Variants in MED19 observed in about 807,000 individuals in gnomAD.
The protein encoded by MED19 is mediator complex subunit 19.
A neutral mutation model predicts 19.9 loss-of-function variants in MED19; 4 were observed. That is an observed-to-expected ratio of 0.20 (90% CI 0.10 to 0.46). MED19 has a LOEUF of 0.46. Among genes scored for constraint, MED19 ranks in the 20% least tolerant of loss-of-function variants. MED19 has a pLI of 0.99. For synonymous variants in MED19, 139 were observed against 119.6 expected, an observed-to-expected ratio of 1.16 and a Z score of -1.06; for missense variants, 303 against 318.7, an observed-to-expected ratio of 0.95 and a Z score of 0.38.
chr11:57,704,597 A>T (rs748917569), intron 3 of MED19, 122 bp downstream of exon 3: 2 of 1,591,376 alleles, frequency 1.3e-6, no homozygotes, highest in South Asian at 2.2e-5. Context: ...AGGGGAATTT[A>T]GGAGTCCAGA....
intron 1 of MED19, among the ~76,000 whole-genome samples, chr11:57,710,700 AT>A (rs548949933): frequency 3.5e-4 from 51 of 145,732 alleles, no homozygotes; most frequent in Admixed American, 4.1e-4. Context: ...CTGCCCCTCA[AT>A]TTTTTTTTTT....
At chr11:57,711,840 G>T in intron 1 of MED19, 123 bp downstream of exon 1, 1 of 1,088,538 alleles carries the variant, frequency 9.2e-7, no homozygotes, top group Non-Finnish European at 1.2e-6. Context: ...CCGACTTAGG[G>T]CTCCACAGTC....
exon 1 of MED19, chr11:57,712,204 T>G: frequency 2.7e-6 from 4 of 1,495,434 alleles, no homozygotes; most frequent in Non-Finnish European, 2.7e-6. Flanking sequence ...CGGCGCTGTC[T>G]CCGTGTCTGC....
chr11:57,712,148 T>A, exon 1 of MED19: 6 of 1,533,192 alleles, frequency 3.9e-6, no homozygotes, highest in Non-Finnish European at 5.3e-6. Context: ...TGGGTCAGCC[T>A]GAGCCCCAAA....
Position 57,704,973 on chromosome 11 carries a change from CG to C in MED19, c.473del (p.Pro158ArgfsTer8). The C allele has an allele frequency of 6.2e-7, 1 of 1,612,464 alleles. No homozygotes were observed. Among genetic ancestry groups the C allele is most frequent in the Non-Finnish European group, 8.5e-7 (1 of 1,179,290 alleles). Reference sequence around the variant, plus strand: ...GCCTTCTTCCTCCAACAGGACTCACCGGGCCAGTGTGGAGGCGGAAGCCGGC... The same window carrying C: ...GCCTTCTTCCTCCAACAGGACTCACCGGCCAGTGTGGAGGCGGAAGCCGGC... On this transcript the variant is annotated frameshift_variant and splice_region_variant, in exon 2 of 5. Transcript: ENST00000431606. LOFTEE classifies it high-confidence loss of function.
At chr11:57,704,493 C>T in intron 3 of MED19, 97 bp from the exon 4 acceptor site, 1 of 1,568,174 alleles carries the variant, frequency 6.4e-7, no homozygotes, top group South Asian at 1.2e-5. Context: ...GTCGGGGCAA[C>T]TGCTTTTGTC....
chr11:57,707,062 G>A (rs1320197191), intron 1 of MED19, among the ~76,000 whole-genome samples: 2 of 152,112 alleles, frequency 1.3e-5, no homozygotes, highest in East Asian at 3.9e-4. Flanking sequence ...GCTGGGTGTG[G>A]TGGCATGCGC....
At position 57,706,128 on chromosome 11, in the gene MED19, G is replaced by A. The variant is rs747180070; in HGVS notation, c.218-899C>T. Reference sequence around the variant, plus strand: ...TCTTCCTCGTGATACTGAGTATGATGCCTTGCCTAAAAGGAATAAATGTTT... The same window carrying A: ...TCTTCCTCGTGATACTGAGTATGATACCTTGCCTAAAAGGAATAAATGTTT... On this transcript the variant is annotated intron_variant, in intron 1 of 4. Transcript: ENST00000431606. 1.6e-4 allele frequency among the ~76,000 whole-genome samples: 24 copies of A among 151,922 alleles called. 1 individual carries two copies. Among genetic ancestry groups the A allele is most frequent in the Non-Finnish European group, 3.4e-4 (23 of 68,016 alleles).
chr11:57,708,137 TAAAAA>T (rs112096138), intron 1 of MED19, among the ~76,000 whole-genome samples: 1 of 142,138 alleles, frequency 7.0e-6, no homozygotes, highest in African/African-American at 2.6e-5. Context: ...CCCAACAAGA[TAAAAA>T]AAAAAAAAAT....
In MED19 at chr11:57,704,810, C is replaced by T. The variant is rs192911924; in HGVS notation, c.480G>A (p.Pro160=). 4.6e-5 allele frequency: 74 copies of T among 1,613,520 alleles called. No homozygotes were observed. In the Admixed American group the frequency reaches 1.0e-3, roughly 22 times the overall value. The change falls in exon 3 of 5, where the codon CCG becomes CCA. Residue 160 remains proline (P), a synonymous_variant. Transcript: ENST00000431606. ...GAATATGCATCAGACGACACTGCTC[C>T]GGCAACTGAAGGAACCAAAGGAAGG...
At chr11:57,708,713 C>G (rs1384592436) in intron 1 of MED19, among the ~76,000 whole-genome samples, 1 of 152,100 alleles carries the variant, frequency 6.6e-6, no homozygotes, top group Non-Finnish European at 1.5e-5. Flanking sequence ...AAGCAATGAC[C>G]AGCATTACTA....
At position 57,711,319 on chromosome 11, in the gene MED19, G is replaced by A. The variant is rs537025323; in HGVS notation, c.217+644C>T. 1.1e-4 allele frequency among the ~76,000 whole-genome samples: 16 copies of A among 152,280 alleles called. No homozygotes were observed. In the South Asian group the frequency reaches 1.9e-3, roughly 18 times the overall value. On this transcript the variant is annotated intron_variant, in intron 1 of 4. Transcript: ENST00000431606. The stretch of plus-strand genomic sequence containing the variant: ...GTAACTAAAACTTTGGGTCCCCAAA[G>A]ATATTAAATCAGGCCTCTCGAGTTC...
At chr11:57,704,855 GAAAT>G in intron 2 of MED19, 40 bp from the exon 3 acceptor site, 1 of 1,610,456 alleles carries the variant, frequency 6.2e-7, no homozygotes, top group Non-Finnish European at 8.5e-7. Context: ...GTAGAGGGAG[GAAAT>G]CTCTCCTGCT....
chr11:57,711,093 C>T (rs950305573), intron 1 of MED19, among the ~76,000 whole-genome samples: 1 of 152,224 alleles, frequency 6.6e-6, no homozygotes, highest in Admixed American at 6.5e-5. Context: ...CCAAAAAAGG[C>T]AAGCATCTTG....
chr11:57,706,676 T>G (rs1369804995), intron 1 of MED19, among the ~76,000 whole-genome samples: 2 of 151,824 alleles, frequency 1.3e-5, no homozygotes, highest in Non-Finnish European at 2.9e-5. Context: ...GAGGTTGCAG[T>G]GAGCTGAGAT....
intron 1 of MED19, 138 bp downstream of exon 1, chr11:57,711,825 C>T: frequency 1.1e-6 from 1 of 912,020 alleles, no homozygotes; most frequent in Non-Finnish European, 1.5e-6. Flanking sequence ...ATCCTAACAG[C>T]GCTTCCGACT....
chr11:57,704,161 C>G, intron 4 of MED19, 55 bp from the exon 5 acceptor site: 1 of 1,534,016 alleles, frequency 6.5e-7, no homozygotes, highest in Non-Finnish European at 8.7e-7. Context: ...TGGCTTTGAT[C>G]AGGCTGTACA....
exon 5 of MED19, chr11:57,703,906 C>T: frequency 8.7e-6 from 12 of 1,381,124 alleles, no homozygotes; most frequent in Non-Finnish European, 1.1e-5. Flanking sequence ...TCAACTGAGC[C>T]CAACAGGAGC....
intron 1 of MED19, among the ~76,000 whole-genome samples, chr11:57,709,437 A>G (rs1946539427): frequency 6.6e-6 from 1 of 151,742 alleles, no homozygotes; most frequent in Admixed American, 6.6e-5. Flanking sequence ...ATAACTCTTG[A>G]TTTCCACCTC....
Sources: gnomAD v4.1 joint callset for allele counts (sites outside exome capture counted in the v4.1 genomes callset) on GRCh38, gnomAD v4.1.1 for gene constraint, MANE v1.5 for transcripts, NCBI Gene and HGNC (gene_info 2026-07-23, HGNC 2026-07-21) for gene names.